TMEM245: variants seen among roughly 807,000 people sequenced by gnomAD.
The protein encoded by TMEM245 is transmembrane protein 245.
A neutral mutation model predicts 101.2 loss-of-function variants in TMEM245; 69 were observed. That is an observed-to-expected ratio of 0.68 (90% confidence interval 0.56 to 0.83). The LOEUF (loss-of-function observed/expected upper bound fraction) is 0.83. TMEM245 is among the 40% of genes least tolerant of loss of function. The pLI, the probability that TMEM245 is intolerant of heterozygous loss-of-function variation, is 0.00. For missense variants in TMEM245, 1,075 were observed against 1,092.8 expected (o/e 0.98, Z 0.23); for synonymous variants, 537 against 449.8 (o/e 1.19, Z -2.45).
chr9:109,039,077 T>C (rs1828227193), intron 14 of TMEM245: 1 of 152,162 alleles, frequency 6.6e-6, no homozygotes, highest in Non-Finnish European at 1.5e-5. Context: ...ACCTTGTACA[T>C]GCAAAAAGAA....
intron 17 of TMEM245, among the ~76,000 whole-genome samples, chr9:109,030,368 G>A (rs780675066): frequency 7.9e-5 from 12 of 152,026 alleles, no homozygotes; most frequent in Non-Finnish European, 1.3e-4. Flanking sequence ...ACTCTGCCAC[G>A]CCACATAAGC....
chr9:109,085,582 T>C (rs1479444095), intron 7 of TMEM245, among the ~76,000 whole-genome samples: 1 of 152,264 alleles, frequency 6.6e-6, no homozygotes, highest in African/African-American at 2.4e-5. Flanking sequence ...TTCACAGATT[T>C]GTCTTTTTAA....
intron 8 of TMEM245, 134 bp downstream of exon 8, chr9:109,080,705 T>C (rs1055882735): frequency 1.8e-5 from 10 of 550,494 alleles, no homozygotes; most frequent in African/African-American, 1.8e-4. Context: ...ATACAAATCA[T>C]AAATCCTTTA....
intron 17 of TMEM245, 75 bp from the exon 18 acceptor site, chr9:109,020,580 C>T (rs1827590763): frequency 2.2e-6 from 3 of 1,341,690 alleles, no homozygotes; most frequent in Admixed American, 3.5e-5. Flanking sequence ...TTTTGGAGCC[C>T]TAATGAGATT....
At chr9:109,116,761 C>G (rs1471983354) in intron 1 of TMEM245, among the ~76,000 whole-genome samples, 2 of 152,046 alleles carry the variant, frequency 1.3e-5, no homozygotes, top group African/African-American at 2.4e-5. Context: ...CTCCTGGCCT[C>G]AAGTGATTCA....
chr9:109,050,723 C>T, intron 12 of TMEM245, 31 bp from the exon 13 acceptor site: 1 of 1,609,660 alleles, frequency 6.2e-7, no homozygotes, highest in African/African-American at 1.4e-5. Context: ...GATATCAGAA[C>T]CAATCCTCAT....
In TMEM245 at chr9:109,017,268, T is replaced by C. The variant is rs1827474583; in HGVS notation, c.*3192A>G. On this transcript the variant is annotated 3_prime_UTR_variant, in exon 18 of 18. Coordinates refer to ENST00000374586, the MANE Select transcript of TMEM245 (RefSeq NM_032012.4). ...GTCTCCATGTAACATGTTGGATTTCTTCCCACTGTCATGGGCCAACCCACA... is the reference window on the plus strand; with the variant it reads ...GTCTCCATGTAACATGTTGGATTTCCTCCCACTGTCATGGGCCAACCCACA... 1 of 152,220 alleles carries C rather than the reference T, an allele frequency of 6.6e-6. No individual in the cohort carries two copies. The highest frequency in any genetic ancestry group is 1.5e-5 in the Non-Finnish European group (1 of 68,042). 9.4% of individuals were successfully genotyped at this position (152,220 alleles called of 1,614,324 possible). A position where few individuals can be genotyped will look rare whatever the true frequency, so the allele number is the denominator to read the frequency against.
rs767730770 is a variant in TMEM245, at chr9:109,020,487, A to C, written c.2613T>G (p.Ser871=). 6.2e-7 allele frequency: 1 copy of C among 1,614,180 alleles called. No individual in the cohort carries two copies. Among genetic ancestry groups the C allele is most frequent in the Non-Finnish European group, 8.5e-7 (1 of 1,179,988 alleles). Residue 871 remains serine (S), a synonymous_variant, in exon 18 of 18, where the codon TCT becomes TCG. Transcript: ENST00000374586. ...AACCTACTGAAGATTTCAGATCTTC[A>C]GAAATGTCACGGAAAGTCCTAAAAG... is the stretch of plus-strand genomic sequence containing the variant. ...AQPQRTFRDI[S]EDLKSSVG
chr9:109,111,186 G>T (rs1382643360), intron 1 of TMEM245, among the ~76,000 whole-genome samples: 1 of 152,110 alleles, frequency 6.6e-6, no homozygotes, highest in African/African-American at 2.4e-5. Flanking sequence ...ATTTTCTGTG[G>T]TTCTGAGAGC....
At chr9:109,076,895 T>C (rs1829525617) in intron 8 of TMEM245, among the ~76,000 whole-genome samples, 1 of 152,018 alleles carries the variant, frequency 6.6e-6, no homozygotes, top group African/African-American at 2.4e-5. Flanking sequence ...GGTCTCCTTA[T>C]GTTGCCCAGG....
intron 4 of TMEM245, 134 bp downstream of exon 4, chr9:109,093,341 A>C: frequency 1.4e-6 from 1 of 716,434 alleles, no homozygotes; most frequent in Admixed American, 2.8e-5. Flanking sequence ...GGGCATAAAA[A>C]TAGGAACCAA....
intron 14 of TMEM245, among the ~76,000 whole-genome samples, chr9:109,043,956 CCTACTGTA>C (rs774650689): frequency 4.3e-4 from 65 of 152,300 alleles, no homozygotes; most frequent in Non-Finnish European, 8.2e-4. Flanking sequence ...CCTAATAAAG[CCTACTGTA>C]TATTTATACC....
chr9:109,092,811 A>C (rs1055708257), intron 4 of TMEM245, among the ~76,000 whole-genome samples: 28 of 151,936 alleles, frequency 1.8e-4, no homozygotes, highest in African/African-American at 6.8e-4. Flanking sequence ...TGGTATATCT[A>C]CCAGCTGGAT....
chr9:109,081,920 T>C (rs539594578), intron 7 of TMEM245, among the ~76,000 whole-genome samples: 67 of 152,300 alleles, frequency 4.4e-4, no homozygotes, highest in African/African-American at 1.5e-3. Flanking sequence ...ACTTGATAGA[T>C]TGCTAGAATT....
intron 9 of TMEM245, among the ~76,000 whole-genome samples, chr9:109,069,636 C>G (rs1168135602): frequency 6.6e-6 from 1 of 152,172 alleles, no homozygotes; most frequent in Admixed American, 6.6e-5. Flanking sequence ...ATGGATTCAT[C>G]TCATGCTTCA....
chr9:109,107,479 C>CCTCAT, intron 2 of TMEM245, among the ~76,000 whole-genome samples: 1 of 151,802 alleles, frequency 6.6e-6, no homozygotes, highest in African/African-American at 2.4e-5. Context: ...CCACCTAGAA[C>CCTCAT]CTCATAAAAC....
At chr9:109,024,722 T>C (rs1827745401) in intron 17 of TMEM245, among the ~76,000 whole-genome samples, 2 of 152,202 alleles carry the variant, frequency 1.3e-5, no homozygotes, top group African/African-American at 2.4e-5. Context: ...AAGATGACAC[T>C]GCCTTCTGGT....
chr9:109,078,422 CAT>C (rs1203985852), intron 8 of TMEM245, among the ~76,000 whole-genome samples: 3 of 152,174 alleles, frequency 2.0e-5, no homozygotes, highest in Non-Finnish European at 4.4e-5. Flanking sequence ...GTTAGCATTC[CAT>C]ATAAGTGCAG....
chr9:109,108,464 A>G lies in TMEM245; in HGVS notation c.686T>C (p.Leu229Pro). The G allele has an allele frequency of 1.3e-6, 2 of 1,574,634 alleles. No individual in the cohort carries two copies. Among genetic ancestry groups the G allele is most frequent in the Non-Finnish European group, 1.7e-6 (2 of 1,165,320 alleles). Residue 229 changes from leucine (L) to proline (P), a missense_variant, in exon 2 of 18, where the codon CTT becomes CCT. By Grantham distance (98) the Leu-to-Pro change is moderately conservative. Around this residue, in one of 2 missense-constraint regions of TMEM245, gnomAD observed 808 missense variants for 741.5 expected, o/e 1.09. Transcript: ENST00000374586. ...AVSIPVWIIL[L>P]FHLASLAGSW... ...AAGAAGGAACCCACCTAAATGAAAAAGCAATATAATCCAGACAGGAATTGA... is the reference window on the plus strand; with the variant it reads ...AAGAAGGAACCCACCTAAATGAAAAGGCAATATAATCCAGACAGGAATTGA...
Sources: allele counts gnomAD v4.1 joint callset (sites outside exome capture counted in the v4.1 genomes callset), GRCh38; gene constraint gnomAD v4.1.1; regional missense constraint gnomAD v4.1.1; transcripts MANE v1.5; gene names NCBI Gene and HGNC (gene_info 2026-07-23, HGNC 2026-07-21).